BCL2L14: variants seen among roughly 807,000 people sequenced by gnomAD.
BCL2L14 encodes the protein BCL2 like 14, also known as apoptosis facilitator Bcl-2-like protein 14.
A neutral mutation model predicts 35.3 loss-of-function variants in BCL2L14; 27 were observed. That is an observed-to-expected ratio of 0.76 (90% CI 0.56 to 1.05). The LOEUF (loss-of-function observed/expected upper bound fraction) is 1.05, where lower values mean the gene tolerates loss of function less well. BCL2L14 is among the 50% of genes least tolerant of loss of function. The probability of loss-of-function intolerance (pLI) is 0.00; values close to 1 mark genes in which losing one functional copy is unlikely to be tolerated. For missense variants in BCL2L14, 377 were observed against 382.6 expected (o/e 0.99, Z 0.12); for synonymous variants, 139 against 145.9 (o/e 0.95, Z 0.34).
intron 2 of BCL2L14, among the ~76,000 whole-genome samples, chr12:12,061,759 C>G (rs1948529304): frequency 6.6e-6 from 1 of 152,182 alleles, no homozygotes; most frequent in Non-Finnish European, 1.5e-5. Flanking sequence ...GAAGGCTTCA[C>G]AGACAGCCCC....
At chr12:12,057,233 G>A (rs555431744) in intron 2 of BCL2L14, among the ~76,000 whole-genome samples, 1 of 152,214 alleles carries the variant, frequency 6.6e-6, no homozygotes, top group Admixed American at 6.5e-5. Flanking sequence ...ATTATAATAT[G>A]CAAGGAATTA....
At chr12:12,089,747 C>T (rs1052781898) in intron 3 of BCL2L14, among the ~76,000 whole-genome samples, 4 of 152,204 alleles carry the variant, frequency 2.6e-5, no homozygotes, top group African/African-American at 4.8e-5. Flanking sequence ...ACCGTGGCCA[C>T]GTTCCTATCC....
chr12:12,077,535 C>T (rs543172812), intron 1 of BCL2L14, among the ~76,000 whole-genome samples: 44 of 86,902 alleles, frequency 5.1e-4, no homozygotes, highest in African/African-American at 1.8e-3. Flanking sequence ...AAAACTGAGT[C>T]TCAAAAAAAA....
chr12:12,088,025 G>C (rs192510569), intron 3 of BCL2L14, among the ~76,000 whole-genome samples: 1 of 152,188 alleles, frequency 6.6e-6, no homozygotes, highest in Admixed American at 6.5e-5. Context: ...CTTGCTCCTG[G>C]CTCCCTCCAC....
Position 12,050,807 on chromosome 12 carries a change from A to G in BCL2L14, c.-324+853A>G, listed in dbSNP as rs7968070. 5.5e-5 allele frequency among the ~76,000 whole-genome samples: 8 copies of G among 145,078 alleles called. 1 individual carries two copies. The highest frequency in any genetic ancestry group is 1.2e-4 in the Non-Finnish European group (8 of 66,422). On this transcript the variant is annotated intron_variant, in intron 1 of 3. Coordinates refer to the BCL2L14 transcript ENST00000461264. ...AGCTGATGAGCTAAAAAAAAAAAAA[A>G]AAAAAAGAAAAGAAAAGAAAAGAAA...
intron 1 of BCL2L14, among the ~76,000 whole-genome samples, chr12:12,074,882 A>G (rs1324550167): frequency 1.3e-5 from 2 of 152,122 alleles, no homozygotes; most frequent in Non-Finnish European, 2.9e-5. Flanking sequence ...GTCTCAAGTG[A>G]TCCTCCCACC....
intron 1 of BCL2L14, chr12:12,071,446 T>G (rs1948667847): frequency 6.6e-6 from 1 of 152,188 alleles, no homozygotes; most frequent in African/African-American, 2.4e-5. Context: ...TCTTCTCTGC[T>G]TATGTATCTG....
intron 1 of BCL2L14, among the ~76,000 whole-genome samples, chr12:12,073,014 G>C (rs1948700786): frequency 6.6e-6 from 1 of 152,044 alleles, no homozygotes; most frequent in Non-Finnish European, 1.5e-5. Flanking sequence ...AGCCTCCCAA[G>C]TGGCTGGGAC....
chr12:12,096,422 A>G (rs532370619), intron 5 of BCL2L14, among the ~76,000 whole-genome samples: 4 of 140,348 alleles, frequency 2.9e-5, no homozygotes, highest in African/African-American at 1.1e-4. Flanking sequence ...GAACACCACC[A>G]CCAAGAATGT....
Position 12,094,885 on chromosome 12 carries a change from C to A in BCL2L14, c.900C>A (p.Tyr300Ter). 6.2e-7 allele frequency: 1 copy of A among 1,614,092 alleles called. No individual in the cohort carries two copies. The highest frequency in any genetic ancestry group is 8.5e-7 in the Non-Finnish European group (1 of 1,180,042). ...GGGTCCTGGGCTTTGGCACCAAGTA[C>A]CTGAAAGAGAACTTCTCGCCATGGA... is the stretch of plus-strand genomic sequence containing the variant. ...MNRVLGFGTK[Y>*]LKENFSPWIQ... Residue 300 changes from tyrosine (Y) to a stop codon, truncating the protein, a stop_gained, in exon 5 of 6, where the codon TAC (tyrosine) becomes TAA (stop). Transcript: ENST00000308721. LOFTEE classifies it high-confidence loss of function.
At chr12:12,073,253 T>A (rs1948705960) in intron 1 of BCL2L14, among the ~76,000 whole-genome samples, 1 of 152,220 alleles carries the variant, frequency 6.6e-6, no homozygotes, top group Non-Finnish European at 1.5e-5. Flanking sequence ...CTCTCCAGGC[T>A]CTTGTGGCGG....
chr12:12,090,621 A>C (rs565214113), intron 3 of BCL2L14, among the ~76,000 whole-genome samples, 158 bp from the exon 4 acceptor site: 1 of 151,292 alleles, frequency 6.6e-6, no homozygotes, highest in African/African-American at 2.4e-5. Context: ...CAACAAGAGC[A>C]AAACTCTGTC....
intron 4 of BCL2L14, 68 bp downstream of exon 4, chr12:12,090,917 G>T: frequency 7.9e-7 from 1 of 1,269,912 alleles, no homozygotes; most frequent in Non-Finnish European, 1.1e-6. Context: ...GAATGGAATT[G>T]TATTCCAGGT....
At chr12:12,058,776 C>T (rs2430597) in intron 2 of BCL2L14, among the ~76,000 whole-genome samples, 59,245 of 152,008 alleles carry the variant, frequency 0.39, 12,147 homozygotes, top group African/African-American at 0.53. Flanking sequence ...CACACCGACG[C>T]GCATGAAATT....
chr12:12,079,448 T>C lies in BCL2L14; in HGVS notation c.143T>C (p.Leu48Pro), dbSNP rs1948861216. The C allele has an allele frequency of 1.2e-6, 2 of 1,614,094 alleles. No individual in the cohort carries two copies. The highest frequency in any genetic ancestry group is 1.7e-6 in the Non-Finnish European group (2 of 1,180,048). ...STPALFSPKL[L>P]RTRSLSQRGL... ...CCTGCTCTCTTCTCACCAAAGCTGC[T>C]GAGAACAAGAAGTTTGTCCCAGAGG... Residue 48 changes from leucine to proline, a missense_variant, in exon 2 of 6, where the codon CTG becomes CCG. Transcript: ENST00000308721.
upstream of BCL2L14, among the ~76,000 whole-genome samples, chr12:12,070,367 C>T (rs1324223922): frequency 1.3e-5 from 2 of 152,198 alleles, no homozygotes; most frequent in Non-Finnish European, 2.9e-5. Flanking sequence ...GGAATCGTAA[C>T]GCCTGCCTCT....
intron 2 of BCL2L14, among the ~76,000 whole-genome samples, chr12:12,058,147 T>C (rs1297949858): frequency 2.6e-5 from 4 of 151,962 alleles, no homozygotes; most frequent in Non-Finnish European, 5.9e-5. Context: ...CGACGAGGTT[T>C]CACCATGTTG....
intron 2 of BCL2L14, among the ~76,000 whole-genome samples, chr12:12,054,213 C>G (rs1468400763): frequency 6.6e-6 from 1 of 151,990 alleles, no homozygotes; most frequent in African/African-American, 2.4e-5. Flanking sequence ...GCTCAAAATC[C>G]AATTAGGGGC....
intron 2 of BCL2L14, among the ~76,000 whole-genome samples, chr12:12,086,846 C>T (rs980464776): frequency 5.9e-5 from 9 of 151,944 alleles, no homozygotes; most frequent in East Asian, 1.9e-4. Context: ...TAAAGCATGT[C>T]GAGAAAAAAG....
Sources: allele counts gnomAD v4.1 joint callset (sites outside exome capture counted in the v4.1 genomes callset), GRCh38; gene constraint gnomAD v4.1.1; transcripts MANE v1.5; gene names NCBI Gene and HGNC (gene_info 2026-07-23, HGNC 2026-07-21).